SGCD: variants seen among roughly 807,000 people sequenced by gnomAD.
SGCD encodes delta-sarcoglycan.
SGCD carries 18 observed loss-of-function variants against 36.6 expected under a neutral mutation model. That is an observed-to-expected ratio of 0.49 (90% CI 0.34 to 0.73). The LOEUF (loss-of-function observed/expected upper bound fraction) is 0.73, where lower values mean the gene tolerates loss of function less well. SGCD is among the 30% of genes least tolerant of loss of function. The pLI is 0.01. For synonymous variants in SGCD, 133 were observed against 130.6 expected (o/e 1.02, Z -0.12); for missense variants, 387 against 346.7 (o/e 1.12, Z -0.92).
chr5:155,887,771 G>T (rs2113308218), intron 1 of SGCD, among the ~76,000 whole-genome samples: 1 of 152,292 alleles, frequency 6.6e-6, no homozygotes, highest in Middle Eastern at 3.4e-3. Context: ...AAGCTAGAGA[G>T]TTATTTCCTA....
intron 1 of SGCD, among the ~76,000 whole-genome samples, chr5:156,104,747 A>T (rs908919346): frequency 6.6e-6 from 1 of 152,200 alleles, no homozygotes; most frequent in Non-Finnish European, 1.5e-5. Context: ...ATAAAATCTT[A>T]GTTCTTTCTG....
intron 3 of SGCD, among the ~76,000 whole-genome samples, chr5:156,501,699 C>T (rs1055101673): frequency 6.6e-6 from 1 of 152,116 alleles, no homozygotes; most frequent in African/African-American, 2.4e-5. Flanking sequence ...ATAGGATTTG[C>T]TCTTGTGTTT....
At chr5:156,233,777 TG>T (rs1378831026) in intron 3 of SGCD, among the ~76,000 whole-genome samples, 1 of 152,108 alleles carries the variant, frequency 6.6e-6, no homozygotes, top group Non-Finnish European at 1.5e-5. Flanking sequence ...CCCAGTTCAT[TG>T]GGAAGCTGGG....
intron 1 of SGCD, among the ~76,000 whole-genome samples, chr5:155,980,449 G>A (rs115564515): frequency 0.027 from 4,030 of 151,718 alleles, 73 homozygotes; most frequent in Middle Eastern, 0.044. Flanking sequence ...GTAGCCAGGC[G>A]TGGTGGCAGA....
intron 1 of SGCD, among the ~76,000 whole-genome samples, chr5:155,946,595 C>G (rs1268885680): frequency 6.6e-6 from 1 of 152,048 alleles, no homozygotes; most frequent in Non-Finnish European, 1.5e-5. Flanking sequence ...TTTAAATAGT[C>G]AGAGATTGAT....
intron 4 of SGCD, among the ~76,000 whole-genome samples, chr5:156,516,681 G>A (rs1306836604): frequency 6.6e-6 from 1 of 152,174 alleles, no homozygotes; most frequent in African/African-American, 2.4e-5. Flanking sequence ...TGAACTGACT[G>A]ACATAAGTAG....
intron 4 of SGCD, among the ~76,000 whole-genome samples, chr5:156,524,202 A>ATG (rs1244965110): frequency 7.5e-6 from 1 of 132,480 alleles, no homozygotes; most frequent in Non-Finnish European, 1.6e-5. Flanking sequence ...ATATATATAT[A>ATG]TATATAGGTC....
intron 1 of SGCD, among the ~76,000 whole-genome samples, chr5:156,059,985 T>C (rs1352244218): frequency 6.8e-6 from 1 of 146,804 alleles, no homozygotes; most frequent in Non-Finnish European, 1.5e-5. Context: ...TATATCTATA[T>C]GGTTGTCACA....
At chr5:156,179,602 T>G (rs940112178) in intron 3 of SGCD, among the ~76,000 whole-genome samples, 1 of 151,652 alleles carries the variant, frequency 6.6e-6, no homozygotes, top group African/African-American at 2.4e-5. Context: ...CCCCAATGAA[T>G]ATGTTATAAT....
intron 3 of SGCD, among the ~76,000 whole-genome samples, chr5:156,189,566 A>G (rs1387268016): frequency 2.0e-5 from 3 of 147,592 alleles, no homozygotes. Flanking sequence ...CTCTATTACT[A>G]AAAACAGGGG....
chr5:156,490,413 G>T (rs1250945659), intron 3 of SGCD, among the ~76,000 whole-genome samples: 1 of 150,954 alleles, frequency 6.6e-6, no homozygotes, highest in East Asian at 1.9e-4. Flanking sequence ...AATAGCAAAT[G>T]ACAGGCCAAT....
chr5:156,516,663 G>T (rs941319882), intron 4 of SGCD, among the ~76,000 whole-genome samples: 15 of 152,212 alleles, frequency 9.9e-5, no homozygotes, highest in African/African-American at 3.4e-4. Flanking sequence ...GGCTGAGGCT[G>T]AGATGAATGA....
chr5:156,071,330 A>T (rs530321770), intron 1 of SGCD, among the ~76,000 whole-genome samples: 2 of 152,158 alleles, frequency 1.3e-5, no homozygotes, highest in Admixed American at 6.5e-5. Flanking sequence ...GGTATGTTGT[A>T]TCTTTGTTCT....
At chr5:155,809,839 CA>C in the SGCD span, among the ~76,000 whole-genome samples, 1 of 152,008 alleles carries the variant, frequency 6.6e-6, no homozygotes, top group Non-Finnish European at 1.5e-5. Context: ...TTTTTTAATA[CA>C]AAAAGACTAG....
chr5:156,597,424 A>AT (rs142300885), intron 6 of SGCD, among the ~76,000 whole-genome samples: 5,417 of 152,268 alleles, frequency 0.036, 320 homozygotes, highest in African/African-American at 0.12. Flanking sequence ...ACAAAGACAC[A>AT]TTTTACATGG....
chr5:156,516,858 T>TTGG (rs1757198935), intron 4 of SGCD, among the ~76,000 whole-genome samples: 1 of 152,036 alleles, frequency 6.6e-6, no homozygotes, highest in Non-Finnish European at 1.5e-5. Context: ...TTAGCCAGGC[T>TTGG]TGGTGGCACA....
chr5:156,487,780 T>C (rs1755743370), intron 3 of SGCD, among the ~76,000 whole-genome samples: 1 of 42,218 alleles, frequency 2.4e-5, no homozygotes, highest in Non-Finnish European at 4.7e-5. Flanking sequence ...AGAGTGAGAC[T>C]CTGTCACCAA....
chr5:156,643,025 T>C (rs369160978), intron 6 of SGCD, among the ~76,000 whole-genome samples: 36 of 90,972 alleles, frequency 4.0e-4, no homozygotes, highest in Middle Eastern at 0.014. Flanking sequence ...GGGTTTTTTG[T>C]TTTTTTTTTT....
intron 3 of SGCD, among the ~76,000 whole-genome samples, chr5:156,199,390 A>AT (rs1375010795): frequency 6.6e-6 from 1 of 152,128 alleles, no homozygotes; most frequent in Non-Finnish European, 1.5e-5. Context: ...GAATTGGGAA[A>AT]TAATAAATTC....
Sources: allele counts gnomAD v4.1 joint callset (sites outside exome capture counted in the v4.1 genomes callset), GRCh38; gene constraint gnomAD v4.1.1; transcripts MANE v1.5; gene names NCBI Gene and HGNC (gene_info 2026-07-23, HGNC 2026-07-21).